Variants in TRIM27 observed in about 807,000 individuals in gnomAD.
TRIM27 encodes zinc finger protein RFP.
A neutral mutation model predicts 57.6 loss-of-function variants in TRIM27; 12 were observed. That is an observed-to-expected ratio of 0.21 (90% CI 0.13 to 0.34). The LOEUF is 0.34. Ranked by LOEUF, TRIM27 falls within the 10% of genes least tolerant of loss-of-function variation. The probability of loss-of-function intolerance (pLI) is 1.00; values close to 1 mark genes in which losing one functional copy is unlikely to be tolerated. For missense variants in TRIM27, 403 were observed against 656.8 expected, an observed-to-expected ratio of 0.61 and a Z score of 4.22; for synonymous variants, 266 against 259.0, an observed-to-expected ratio of 1.03 and a Z score of -0.26.
intron 2 of TRIM27, among the ~76,000 whole-genome samples, chr6:28,920,600 C>T (rs1347674068): frequency 6.6e-6 from 1 of 152,132 alleles, no homozygotes; most frequent in African/African-American, 2.4e-5. Flanking sequence ...AACAAGAATT[C>T]ACCACATAGG....
At chr6:28,919,928 A>G in intron 3 of TRIM27, 84 bp downstream of exon 3, 1 of 1,295,470 alleles carries the variant, frequency 7.7e-7, no homozygotes, top group South Asian at 1.4e-5. Context: ...AAAAGAAGAC[A>G]GGGGGTCCTG....
In TRIM27 at chr6:28,918,898, T is replaced by G. The variant is rs192634554; in HGVS notation, c.747+1114A>C. 1.9e-3 allele frequency among the ~76,000 whole-genome samples: 289 copies of G among 152,056 alleles called. 5 individuals carry two copies. The highest frequency in any genetic ancestry group is 6.6e-3 in the African/African-American group (275 of 41,516). Reference sequence around the variant, plus strand: ...CTCAAAATAAATAAATAATATTAAATTAAAATTAAAATGTAAAAACCATAC... The same window carrying G: ...CTCAAAATAAATAAATAATATTAAAGTAAAATTAAAATGTAAAAACCATAC... On this transcript the variant is annotated intron_variant, in intron 3 of 7. Coordinates refer to ENST00000377199, the MANE Select transcript of TRIM27 (RefSeq NM_006510.5).
At chr6:28,907,409 A>G in intron 6 of TRIM27, 147 bp from the exon 7 acceptor site, 2 of 762,756 alleles carry the variant, frequency 2.6e-6, no homozygotes, top group South Asian at 1.4e-5. Context: ...TAATTTTTTC[A>G]TATGATGTAT....
chr6:28,912,210 A>T (rs1234208604), intron 3 of TRIM27, among the ~76,000 whole-genome samples: 1 of 150,480 alleles, frequency 6.6e-6, no homozygotes, highest in East Asian at 2.0e-4. Flanking sequence ...CCCGGGTTCG[A>T]GCAATTCTCC....
intron 7 of TRIM27, chr6:28,906,441 C>T (rs1238715613): frequency 6.6e-6 from 1 of 152,128 alleles, no homozygotes. Context: ...AGCTGCCTAC[C>T]TTCTTCTTGT....
chr6:28,916,285 G>C (rs1467248820), intron 3 of TRIM27, among the ~76,000 whole-genome samples: 3 of 151,724 alleles, frequency 2.0e-5, no homozygotes, highest in Admixed American at 1.3e-4. Context: ...GGGCGTGGTG[G>C]CTCACACCTG....
At chr6:28,917,210 G>A (rs1773674683) in intron 3 of TRIM27, among the ~76,000 whole-genome samples, 2 of 152,134 alleles carry the variant, frequency 1.3e-5, no homozygotes, top group Non-Finnish European at 2.9e-5. Context: ...AATCCTGGAT[G>A]AGACTGACCA....
chr6:28,908,870 T>G, intron 5 of TRIM27, 30 bp from the exon 6 acceptor site: 1 of 1,612,996 alleles, frequency 6.2e-7, no homozygotes, highest in Non-Finnish European at 8.5e-7. Context: ...AAATATTCAG[T>G]CTGCATCCCA....
chr6:28,920,811 GAA>G, intron 2 of TRIM27, among the ~76,000 whole-genome samples: 1 of 152,250 alleles, frequency 6.6e-6, no homozygotes, highest in African/African-American at 2.4e-5. Context: ...TGTCACACAG[GAA>G]AGTGACAGGG....
chr6:28,908,096 T>C (rs561743498), intron 6 of TRIM27: 1 of 165,140 alleles, frequency 6.1e-6, no homozygotes, highest in South Asian at 2.0e-4. Flanking sequence ...GGCCAACTCT[T>C]TACTGAATGT....
chr6:28,922,092 C>T (rs1289705582), intron 1 of TRIM27, 105 bp from the exon 2 acceptor site: 1 of 858,066 alleles, frequency 1.2e-6, no homozygotes, highest in Non-Finnish European at 1.9e-6. Flanking sequence ...GCCAAGTCTC[C>T]AGTTGGCGCT....
chr6:28,907,724 TC>T, intron 6 of TRIM27: 1 of 406,186 alleles, frequency 2.5e-6, no homozygotes, highest in Non-Finnish European at 4.9e-6. Context: ...AAACAGAATT[TC>T]TCACACATTA....
Position 28,903,931 on chromosome 6 carries a change from T to TG in TRIM27, c.*138dup. 1 of 669,974 alleles carries TG rather than the reference T, an allele frequency of 1.5e-6. No individual in the cohort carries two copies. Among genetic ancestry groups the TG allele is most frequent in the Non-Finnish European group, 2.7e-6 (1 of 376,622 alleles). 41.5% of individuals were successfully genotyped at this position (669,974 alleles called of 1,614,324 possible). On this transcript the variant is annotated 3_prime_UTR_variant, in exon 8 of 8. Transcript: ENST00000377199. ...GGAAGGAAAAGGATGGTAGAGAACA[T>TG]GGACATCCTGTCTCCCACTGCAAGG...
In TRIM27 at chr6:28,923,516, G is replaced by A. The variant is rs1774223801; in HGVS notation, c.117C>T (p.Cys39=). 1 of 1,612,056 alleles carries A rather than the reference G, an allele frequency of 6.2e-7. No homozygotes were observed. The change falls in exon 1 of 8, where the codon TGC becomes TGT. Residue 39 remains cysteine, a synonymous_variant. Coordinates refer to ENST00000377199, the MANE Select transcript of TRIM27 (RefSeq NM_006510.5). ...CTGCCGTGCCCCAGCAGCGGGCGAG[G>A]CACGCGCAACAGATGTTATGGCCGC... ...LDCGHNICCA[C]LARCWGTAET...
chr6:28,911,878 G>A (rs1421709219), intron 3 of TRIM27, among the ~76,000 whole-genome samples, 160 bp from the exon 4 acceptor site: 2 of 152,166 alleles, frequency 1.3e-5, no homozygotes, highest in African/African-American at 4.8e-5. Context: ...GGAGCTAAAA[G>A]GCAGGCAGAG....
Position 28,904,665 on chromosome 6 carries a change from A to T in TRIM27, c.947T>A (p.Val316Glu). Residue 316 changes from valine (V) to glutamate (E), a missense_variant and splice_region_variant, in exon 8 of 8, where the codon GTG (valine) becomes GAG (glutamate). Transcript: ENST00000377199. The surrounding 1 kb of genome is among the most constrained non-coding windows in gnomAD (Gnocchi z 6.1). ...CGTGTCTGGGTCCAGAGTCACGTCC[A>T]CTGTAGAGACACAAGGAAGACAGTC... Reference protein sequence around the residue: ...QELREAQLYSVDVTLDPDTAY... With the variant: ...QELREAQLYSEDVTLDPDTAY... The T allele has an allele frequency of 1.9e-6, 3 of 1,593,918 alleles. No homozygotes were observed. The highest frequency in any genetic ancestry group is 2.5e-6 in the Non-Finnish European group (3 of 1,176,510).
At chr6:28,908,751 G>C (rs763381105) in intron 6 of TRIM27, 57 bp downstream of exon 6, 1 of 1,559,340 alleles carries the variant, frequency 6.4e-7, no homozygotes, top group South Asian at 1.1e-5. Flanking sequence ...TTTCAGTGCA[G>C]ATGTTCTTTT....
intron 2 of TRIM27, 148 bp downstream of exon 2, chr6:28,921,744 C>T (rs1774054182): frequency 8.8e-6 from 6 of 682,942 alleles, no homozygotes; most frequent in Admixed American, 2.4e-5. Flanking sequence ...CTTAGTTCTC[C>T]GGGTGAGTTC....
intron 3 of TRIM27, among the ~76,000 whole-genome samples, chr6:28,913,617 A>C (rs1773380959): frequency 6.6e-6 from 1 of 152,132 alleles, no homozygotes. Flanking sequence ...TATTAAGTTG[A>C]AAATTTTTGC....
Sources: allele counts gnomAD v4.1 joint callset (sites outside exome capture counted in the v4.1 genomes callset), GRCh38; gene constraint gnomAD v4.1.1; non-coding constraint Gnocchi (gnomAD v3.1); transcripts MANE v1.5; gene names NCBI Gene and HGNC (gene_info 2026-07-23, HGNC 2026-07-21).